Variants in MADD observed in about 807,000 individuals in gnomAD.
MADD encodes MAP kinase-activating death domain protein.
In MADD, 109 loss-of-function variants were observed where a neutral mutation model predicts 176.7. The observed-to-expected ratio is 0.62, with a 90% CI of 0.53 to 0.72. MADD has a LOEUF of 0.72. MADD is among the 30% of genes least tolerant of loss of function. The probability of loss-of-function intolerance (pLI) is 0.00; values close to 1 mark genes in which losing one functional copy is unlikely to be tolerated. For synonymous variants in MADD, 771 were observed against 771.3 expected (o/e 1.00, Z 0.01); for missense variants, 1,914 against 2,045.5 (o/e 0.94, Z 1.24).
intron 19 of MADD, among the ~76,000 whole-genome samples, chr11:47,293,073 G>A (rs923487178): frequency 6.6e-6 from 1 of 152,080 alleles, no homozygotes; most frequent in Admixed American, 6.6e-5. Context: ...GGGGACAAGG[G>A]GGGTGGTTTT....
intron 27 of MADD, among the ~76,000 whole-genome samples, chr11:47,319,745 C>T (rs2094023044): frequency 6.6e-6 from 1 of 152,110 alleles, no homozygotes; most frequent in African/African-American, 2.4e-5. Context: ...AATCCCAGCA[C>T]ATTGGGAGGC....
intron 15 of MADD, among the ~76,000 whole-genome samples, chr11:47,287,091 C>T (rs562207974): frequency 2.6e-5 from 4 of 152,256 alleles, no homozygotes; most frequent in South Asian, 2.1e-4. Flanking sequence ...TTTGGGAGGC[C>T]GAGGCGGGTG....
chr11:47,295,473 A>G (rs1223859246), intron 20 of MADD, 23 bp from the exon 23 acceptor site: 1 of 1,592,624 alleles, frequency 6.3e-7, no homozygotes, highest in South Asian at 1.1e-5. Context: ...CACCTCCCCT[A>G]ATGTTCCTGT....
At chr11:47,323,586 C>T in intron 27 of MADD, 85 bp from the exon 31 acceptor site, 1 of 1,461,820 alleles carries the variant, frequency 6.8e-7, no homozygotes. Context: ...GGGGATGCCC[C>T]AGGACCACCT....
At chr11:47,313,484 T>G (rs2091178640) in intron 26 of MADD, among the ~76,000 whole-genome samples, 1 of 149,938 alleles carries the variant, frequency 6.7e-6, no homozygotes, top group Admixed American at 6.6e-5. Flanking sequence ...CTGGCTAGTT[T>G]TTTTTTTTTT....
intron 1 of MADD, chr11:47,271,817 C>T (rs1280254593): frequency 6.7e-6 from 1 of 150,336 alleles, no homozygotes; most frequent in Non-Finnish European, 1.5e-5. Context: ...CATTTCATTT[C>T]TCTATTTCTC....
chr11:47,274,496 CTG>C (rs2048022530), intron 2 of MADD, 65 bp from the exon 3 acceptor site: 1 of 1,257,984 alleles, frequency 7.9e-7, no homozygotes, highest in Non-Finnish European at 1.1e-6. Flanking sequence ...TATTTGTTGA[CTG>C]TGGTTAAAAT....
exon 11 of MADD, chr11:47,284,263 A>C: frequency 6.2e-7 from 1 of 1,614,062 alleles, no homozygotes. Context: ...GAAATGTGAC[A>C]TTAATGGTGA....
chr11:47,300,276 G>A lies in MADD; in HGVS notation c.3642+4221G>A, dbSNP rs149158434. 6.1e-3 allele frequency among the ~76,000 whole-genome samples: 906 copies of A among 147,942 alleles called. 15 individuals carry two copies. Among genetic ancestry groups the A allele is most frequent in the African/African-American group, 0.021 (839 of 39,908 alleles). On this transcript the variant is annotated intron_variant, in intron 22 of 32. Transcript: ENST00000402192. ...GGCTGGAGTGCAGTTGTGCGATCTC[G>A]GCTCACTGCTACCCCCGCCTCCCGG...
chr11:47,312,762 G>A (rs2090507963), intron 26 of MADD, among the ~76,000 whole-genome samples: 1 of 152,190 alleles, frequency 6.6e-6, no homozygotes, highest in African/African-American at 2.4e-5. Context: ...AAAAATGCCA[G>A]TTGTGCTTGT....
chr11:47,318,191 G>A (rs1192530589), intron 27 of MADD, among the ~76,000 whole-genome samples: 2 of 152,182 alleles, frequency 1.3e-5, no homozygotes, highest in African/African-American at 4.8e-5. Context: ...CTTCATTTCT[G>A]TGTTTTTAAT....
exon 3 of MADD, chr11:47,274,857 G>T: frequency 6.2e-7 from 1 of 1,614,216 alleles, no homozygotes. Context: ...CCCGTGGGAA[G>T]GAAGGAACCC....
At chr11:47,323,964 A>G in intron 28 of MADD, 129 bp downstream of exon 31, 2 of 1,056,832 alleles carry the variant, frequency 1.9e-6, no homozygotes, top group East Asian at 5.1e-5. Context: ...TGTTGGGTGG[A>G]GTACCTAAAG....
At chr11:47,305,429 T>A (rs993857282) in intron 22 of MADD, among the ~76,000 whole-genome samples, 26 of 152,136 alleles carry the variant, frequency 1.7e-4, no homozygotes, top group Admixed American at 6.5e-4. Context: ...ATTCTAATAC[T>A]GGGGGATAGG....
At chr11:47,299,512 A>T (rs2075852480) in intron 22 of MADD, among the ~76,000 whole-genome samples, 1 of 111,122 alleles carries the variant, frequency 9.0e-6, no homozygotes, top group South Asian at 3.0e-4. Flanking sequence ...ACTGATTTTT[A>T]TGTTGATTTT....
chr11:47,319,977 C>T (rs1259050816), intron 27 of MADD, among the ~76,000 whole-genome samples: 1 of 111,234 alleles, frequency 9.0e-6, no homozygotes, highest in African/African-American at 3.6e-5. Flanking sequence ...GGTGACAAAG[C>T]GAGACTCCAT....
exon 4 of MADD, chr11:47,276,180 C>T (rs1456696026): frequency 1.2e-6 from 2 of 1,611,456 alleles, no homozygotes; most frequent in Non-Finnish European, 1.7e-6. Context: ...CAGGTGCTAA[C>T]CTGCATTCTG....
intron 16 of MADD, 35 bp from the exon 18 acceptor site, chr11:47,289,832 C>G (rs2063728513): frequency 6.2e-7 from 1 of 1,608,624 alleles, no homozygotes; most frequent in Non-Finnish European, 8.5e-7. Context: ...TGCAAAGGAG[C>G]TGATGACCAC....
intron 23 of MADD, 43 bp from the exon 26 acceptor site, chr11:47,308,937 T>C: frequency 8.2e-6 from 13 of 1,577,286 alleles, no homozygotes; most frequent in Non-Finnish European, 1.1e-5. Context: ...TTCCTTTCTT[T>C]CCTTTCTTGC....
Sources: allele counts gnomAD v4.1 joint callset (sites outside exome capture counted in the v4.1 genomes callset), GRCh38; gene constraint gnomAD v4.1.1; transcripts MANE v1.5; gene names NCBI Gene and HGNC (gene_info 2026-07-23, HGNC 2026-07-21).